Variants in HDAC9 observed in about 807,000 individuals in gnomAD.
HDAC9 encodes histone deacetylase 9, also known as MEF-2 interacting transcription repressor (MITR) protein.
A neutral mutation model predicts 139.4 loss-of-function variants in HDAC9; 41 were observed. That is an observed-to-expected ratio of 0.29 (90% confidence interval 0.23 to 0.38). HDAC9 has a LOEUF of 0.38. HDAC9 is among the 10% of genes least tolerant of loss of function. HDAC9 has a pLI of 1.00. For synonymous variants in HDAC9, 517 were observed against 476.2 expected (o/e 1.09, Z -1.12); for missense variants, 1,147 against 1,297.0 (o/e 0.88, Z 1.78).
intron 1 of HDAC9, among the ~76,000 whole-genome samples, chr7:18,394,656 T>C (rs1434735025): frequency 6.6e-6 from 1 of 152,090 alleles, no homozygotes; most frequent in South Asian, 2.1e-4. Context: ...TTTTAAAGTA[T>C]ATCTTGAGGA....
At chr7:18,457,037 A>G (rs1339234933) in intron 1 of HDAC9, among the ~76,000 whole-genome samples, 1 of 152,186 alleles carries the variant, frequency 6.6e-6, no homozygotes, top group East Asian at 1.9e-4. Context: ...GTATAGAAAG[A>G]TGGCAGTGGA....
chr7:18,991,449 A>T (rs767620707), intron 25 of HDAC9, among the ~76,000 whole-genome samples: 16 of 152,270 alleles, frequency 1.1e-4, no homozygotes, highest in Non-Finnish European at 1.0e-4. Flanking sequence ...CATCCTGGCT[A>T]ACACGGTGAA....
At chr7:18,764,389 T>C (rs1276799211) in intron 15 of HDAC9, among the ~76,000 whole-genome samples, 4 of 152,156 alleles carry the variant, frequency 2.6e-5, no homozygotes, top group African/African-American at 7.2e-5. Flanking sequence ...GTGTGTGGGC[T>C]ACGTAAGTAC....
intron 24 of HDAC9, 81 bp from the exon 25 acceptor site, chr7:18,975,725 C>G (rs116028881): frequency 1.5e-6 from 2 of 1,345,718 alleles, no homozygotes; most frequent in African/African-American, 1.4e-5. Flanking sequence ...AACAACTGCT[C>G]TGAGTTGGAC....
chr7:18,162,567 C>G (rs1787707570), intron 2 of HDAC9: 2 of 567,456 alleles, frequency 3.5e-6, no homozygotes, highest in Admixed American at 6.2e-5. Flanking sequence ...GCATTGTAGT[C>G]TGAGCATGGG....
At chr7:18,188,836 G>T (rs553356918) in intron 2 of HDAC9, among the ~76,000 whole-genome samples, 437 of 33,886 alleles carry the variant, frequency 0.013, 1 homozygote, top group Non-Finnish European at 0.019. Context: ...AAAAAGTCAG[G>T]AAACAATAAG....
intron 1 of HDAC9, among the ~76,000 whole-genome samples, chr7:18,126,567 A>C (rs192555770): frequency 6.6e-6 from 1 of 152,302 alleles, no homozygotes; most frequent in Admixed American, 6.5e-5. Context: ...TTTAGTCACC[A>C]TCTGTAAACA....
chr7:18,169,635 G>A (rs546739227), intron 2 of HDAC9, among the ~76,000 whole-genome samples: 177 of 151,898 alleles, frequency 1.2e-3, no homozygotes, highest in Non-Finnish European at 4.7e-4. Context: ...GACAGGCCCC[G>A]GTGTGTGATG....
intron 2 of HDAC9, among the ~76,000 whole-genome samples, chr7:18,533,264 C>T (rs1261888607): frequency 1.3e-5 from 2 of 152,104 alleles, no homozygotes; most frequent in Admixed American, 6.5e-5. Context: ...AGTTTCCAGC[C>T]TTCTTTCTCT....
intron 2 of HDAC9, among the ~76,000 whole-genome samples, chr7:18,210,252 T>G (rs1181353788): frequency 6.6e-6 from 1 of 152,182 alleles, no homozygotes; most frequent in Non-Finnish European, 1.5e-5. Flanking sequence ...TCTCAAAATA[T>G]TTATAGTCTA....
intron 22 of HDAC9, among the ~76,000 whole-genome samples, chr7:18,905,098 C>G (rs1252878847): frequency 1.3e-5 from 2 of 150,778 alleles, no homozygotes; most frequent in Admixed American, 1.3e-4. Flanking sequence ...ACCATGTTGG[C>G]CAGGTTGGTC....
At chr7:18,658,273 G>A (rs1361808918) in intron 11 of HDAC9, among the ~76,000 whole-genome samples, 2 of 151,972 alleles carry the variant, frequency 1.3e-5, no homozygotes, top group African/African-American at 2.4e-5. Context: ...TATAGTAAAC[G>A]CTCAATAAAA....
rs1192253241 is a variant in HDAC9 at position 18,333,041 on chromosome 7, T to G, written c.-42+42526T>G. Among the ~76,000 whole-genome samples, 4 of 151,722 alleles carry G rather than the reference T, an allele frequency of 2.6e-5. No homozygotes were observed. In the East Asian group the frequency reaches 7.8e-4, roughly 30 times the overall value. On this transcript the variant is annotated intron_variant, in intron 1 of 3. Coordinates refer to the HDAC9 transcript ENST00000413509. ...AGTTGCTGATATTGTTAGGTATTAA[T>G]TTGTGTGCCAAAAGATACTCTTTAT...
intron 13 of HDAC9, among the ~76,000 whole-genome samples, chr7:18,737,055 G>C (rs970059761): frequency 7.9e-5 from 12 of 152,160 alleles, no homozygotes; most frequent in African/African-American, 1.2e-4. Context: ...ATGGTAGTTT[G>C]TATTTCTGTG....
At chr7:18,891,364 T>C (rs1297864937) in intron 22 of HDAC9, among the ~76,000 whole-genome samples, 1 of 152,160 alleles carries the variant, frequency 6.6e-6, no homozygotes, top group Non-Finnish European at 1.5e-5. Context: ...CTTGGGATGG[T>C]TCCAGGAAGG....
chr7:18,937,433 C>G (rs1563071289), intron 23 of HDAC9, among the ~76,000 whole-genome samples: 1 of 152,142 alleles, frequency 6.6e-6, no homozygotes. Context: ...ACGCACAATT[C>G]AACGTGTGTA....
At chr7:18,564,100 G>A (rs1229905813) in intron 2 of HDAC9, among the ~76,000 whole-genome samples, 1 of 152,062 alleles carries the variant, frequency 6.6e-6, no homozygotes, top group Admixed American at 6.6e-5. Context: ...CTCCCAAAGT[G>A]CTGGGATTAC....
chr7:18,444,977 A>T (rs1370535419), intron 1 of HDAC9, among the ~76,000 whole-genome samples: 1 of 152,208 alleles, frequency 6.6e-6, no homozygotes, highest in African/African-American at 2.4e-5. Context: ...TCTAAGACCC[A>T]GGGCTGGAAA....
intron 22 of HDAC9, among the ~76,000 whole-genome samples, chr7:18,888,861 C>T (rs928321913): frequency 4.6e-5 from 7 of 152,112 alleles, no homozygotes; most frequent in East Asian, 1.9e-4. Context: ...TTTTCAGGAA[C>T]GACTTTGTCT....
Sources: gnomAD v4.1 joint callset for allele counts (sites outside exome capture counted in the v4.1 genomes callset) on GRCh38, gnomAD v4.1.1 for gene constraint, MANE v1.5 for transcripts, NCBI Gene and HGNC (gene_info 2026-07-23, HGNC 2026-07-21) for gene names.